SLC6A5: variants seen among roughly 807,000 people sequenced by gnomAD.
The protein encoded by SLC6A5 is solute carrier family 6 member 5, also known as sodium- and chloride-dependent glycine transporter 2.
In SLC6A5, 58 loss-of-function variants were observed where a neutral mutation model predicts 90.5. The ratio of observed to expected loss-of-function variants is 0.64; its 90% CI spans 0.52 to 0.80. SLC6A5 has a LOEUF of 0.80. Among genes scored for constraint, SLC6A5 ranks in the 30% least tolerant of loss-of-function variants. The pLI is 0.00. For missense variants in SLC6A5, 1,015 were observed against 1,017.6 expected (o/e 1.00, Z 0.03); for synonymous variants, 427 against 401.4 (o/e 1.06, Z -0.76).
chr11:20,610,019 A>G (rs2133778900), intron 5 of SLC6A5, among the ~76,000 whole-genome samples: 1 of 152,352 alleles, frequency 6.6e-6, no homozygotes, highest in African/African-American at 2.4e-5. Flanking sequence ...CACGTAAAAT[A>G]GGAACAACAT....
chr11:20,654,834 C>T lies in SLC6A5; in HGVS notation c.2360C>T (p.Pro787Leu). 1 of 1,614,154 alleles carries T rather than the reference C, an allele frequency of 6.2e-7. No homozygotes were observed. Among genetic ancestry groups the T allele is most frequent in the Admixed American group, 1.7e-5 (1 of 60,030 alleles). Residue 787 changes from proline to leucine, a missense_variant, in exon 16 of 16, where the codon CCA (proline) becomes CTA (leucine). Physicochemically the swap from Pro to Leu is moderately conservative, Grantham distance 98. Around this residue, in one of 3 missense-constraint regions of SLC6A5, gnomAD observed 442 missense variants for 494.3 expected, o/e 0.89. Coordinates refer to ENST00000525748, the MANE Select transcript of SLC6A5 (RefSeq NM_004211.5). The stretch of plus-strand genomic sequence containing the variant: ...ACCTCTTCCTTGGGACTCAAACTGC[C>T]AGTGAAGGATTTGGAACTGGGCACT... The part of the protein sequence containing the change: ...LGTSSLGLKL[P>L]VKDLELGTQC
chr11:20,617,061 C>T (rs1220689539), intron 6 of SLC6A5, among the ~76,000 whole-genome samples: 1 of 152,174 alleles, frequency 6.6e-6, no homozygotes, highest in Non-Finnish European at 1.5e-5. Context: ...GGTGGGGCTG[C>T]CCTGCTAGCC....
At chr11:20,647,894 G>T (rs3740873) in intron 14 of SLC6A5, among the ~76,000 whole-genome samples, 65,619 of 152,030 alleles carry the variant, frequency 0.43, 16,344 homozygotes, top group East Asian at 0.84. Flanking sequence ...GAACTACCTT[G>T]TCATCTTCAA....
intron 10 of SLC6A5, among the ~76,000 whole-genome samples, chr11:20,634,020 C>T (rs927357550): frequency 6.6e-5 from 10 of 151,996 alleles, no homozygotes; most frequent in East Asian, 1.9e-4. Context: ...TACAGGCGCC[C>T]CCCACTACGC....
chr11:20,617,937 G>A, intron 7 of SLC6A5, 53 bp downstream of exon 7: 1 of 1,572,430 alleles, frequency 6.4e-7, no homozygotes, highest in South Asian at 1.1e-5. Flanking sequence ...AGGGGCGGTT[G>A]CTTTGGGGAG....
chr11:20,600,335 G>GGAAGAAGAAGAAGAAGAAGAAGAAGAA (rs55891826), intron 1 of SLC6A5, among the ~76,000 whole-genome samples: 3 of 87,878 alleles, frequency 3.4e-5, no homozygotes, highest in African/African-American at 4.8e-5. Context: ...AAGAAGAAGA[G>GGAAGAAGAAGAAGAAGAAGAAGAAGAA]GAAGAAGAAG....
chr11:20,643,225 CTCTTT>C (rs1366712877), intron 13 of SLC6A5, among the ~76,000 whole-genome samples: 3 of 135,768 alleles, frequency 2.2e-5, no homozygotes, highest in Non-Finnish European at 3.4e-5. Context: ...GAATCTCTCT[CTCTTT>C]TTTTTTTTTT....
chr11:20,616,220 C>T (rs1852780886), intron 6 of SLC6A5, among the ~76,000 whole-genome samples: 1 of 152,102 alleles, frequency 6.6e-6, no homozygotes. Context: ...GGAGAGTTAC[C>T]TAATTGATTA....
At chr11:20,601,760 G>A (rs1852485314) in intron 2 of SLC6A5, 95 bp downstream of exon 2, 10 of 1,357,694 alleles carry the variant, frequency 7.4e-6, no homozygotes, top group Admixed American at 1.9e-5. Context: ...ATGCTGATGG[G>A]GAAACCGGTT....
intron 14 of SLC6A5, among the ~76,000 whole-genome samples, chr11:20,649,023 C>T (rs1030723148): frequency 6.6e-6 from 1 of 152,102 alleles, no homozygotes; most frequent in African/African-American, 2.4e-5. Context: ...AAGCTTCAAG[C>T]CAATACCTAT....
At chr11:20,606,138 A>G (rs950485158) in intron 3 of SLC6A5, among the ~76,000 whole-genome samples, 4 of 152,240 alleles carry the variant, frequency 2.6e-5, no homozygotes, top group Admixed American at 2.0e-4. Flanking sequence ...CCATTCCCCA[A>G]GTCCCTCCCA....
Position 20,601,044 on chromosome 11 carries a change from G to GT in SLC6A5, c.4-83dup, listed in dbSNP as rs1852460879. ...CCCCAGATATTGTGTCTGGACCTGA[G>GT]TTGCGAACGTCTCCATATCTAGATA... On this transcript the variant is annotated intron_variant, in intron 1 of 15. Transcript: ENST00000525748. 2.2e-6 allele frequency: 3 copies of GT among 1,389,224 alleles called. No homozygotes were observed. In the African/African-American group the frequency reaches 4.4e-5, roughly 20 times the overall value. 86.1% of individuals were successfully genotyped at this position (1,389,224 alleles called of 1,614,324 possible).
At chr11:20,601,793 G>A (rs1021160683) in intron 2 of SLC6A5, 128 bp downstream of exon 2, 8 of 1,027,366 alleles carry the variant, frequency 7.8e-6, no homozygotes, top group Admixed American at 4.1e-5. Flanking sequence ...TGATGGATGC[G>A]GGAGGCGGCT....
intron 2 of SLC6A5, among the ~76,000 whole-genome samples, chr11:20,604,081 A>G (rs1433630814): frequency 6.6e-6 from 1 of 150,878 alleles, no homozygotes; most frequent in East Asian, 2.0e-4. Context: ...TTGCTGATTG[A>G]CTCTCAGTGC....
In SLC6A5 at chr11:20,637,280, A is replaced by G. The variant is rs142895058; in HGVS notation, c.1846A>G (p.Met616Val). The change falls in exon 12 of 16, where the codon ATG becomes GTG. Residue 616 changes from methionine (M) to valine (V), a missense_variant. Met to Val is a conservative substitution (Grantham distance 21). Coordinates refer to ENST00000525748, the MANE Select transcript of SLC6A5 (RefSeq NM_004211.5). The part of the protein sequence containing the change: ...TLGCCICFFI[M>V]GFPMITQGGI... ...GGGCTGCTGCATTTGTTTCTTCATC[A>G]TGGGTTTTCCAATGATCACTCAGGT... The G allele has an allele frequency of 2.1e-5, 30 of 1,419,668 alleles. No individual in the cohort carries two copies. Among genetic ancestry groups the G allele is most frequent in the Non-Finnish European group, 2.4e-5 (25 of 1,057,488 alleles). 87.9% of individuals were successfully genotyped at this position (1,419,668 alleles called of 1,614,324 possible). A position where few individuals can be genotyped will look rare whatever the true frequency, so the allele number is the denominator to read the frequency against.
At position 20,607,892 on chromosome 11, in the gene SLC6A5, C is replaced by T. The variant is rs572789358; in HGVS notation, c.985+240C>T. The stretch of plus-strand genomic sequence containing the variant: ...ATAGCTGAAATCTTTGTTAAAAATG[C>T]AGGTTCACAGGCCCACAAGATAGTC... On this transcript the variant is annotated intron_variant, in intron 5 of 15. Coordinates refer to ENST00000525748, the MANE Select transcript of SLC6A5 (RefSeq NM_004211.5). Among the ~76,000 whole-genome samples the T allele has an allele frequency of 1.1e-3, 166 of 152,246 alleles. 3 individuals carry two copies. In the South Asian group the frequency reaches 0.032, roughly 29 times the overall value.
chr11:20,619,648 A>G lies in SLC6A5; in HGVS notation c.1260+1764A>G, dbSNP rs111266878. Reference sequence around the variant, plus strand: ...TAATTGCTTTTTTTTTGGCCAATAAATGAAAAGCACATTTTCCTAGCTATT... The same window carrying G: ...TAATTGCTTTTTTTTTGGCCAATAAGTGAAAAGCACATTTTCCTAGCTATT... On this transcript the variant is annotated intron_variant, in intron 7 of 15. Transcript: ENST00000525748. 3.8e-3 allele frequency among the ~76,000 whole-genome samples: 573 copies of G among 152,266 alleles called. 2 individuals carry two copies. The highest frequency in any genetic ancestry group is 0.013 in the African/African-American group (532 of 41,540).
intron 14 of SLC6A5, 73 bp downstream of exon 14, chr11:20,647,007 G>A (rs1175698057): frequency 1.0e-6 from 1 of 991,134 alleles, no homozygotes; most frequent in Non-Finnish European, 1.6e-6. Context: ...TTTGAACAGT[G>A]CATGCCTGTT....
chr11:20,601,356 G>A lies in SLC6A5; in HGVS notation c.231G>A (p.Val77=). The change falls in exon 2 of 16, where the codon GTG becomes GTA. Residue 77 remains valine (V), a synonymous_variant. Transcript: ENST00000525748. ...CCTGCGAGGCTGAGCGGCCAGGAGT[G>A]GGGTCTTGCAAACTCAGTAGCCCGC... is the stretch of plus-strand genomic sequence containing the variant. ...ARACEAERPG[V]GSCKLSSPRA... 1 of 1,601,290 alleles carries A rather than the reference G, an allele frequency of 6.2e-7. No individual in the cohort carries two copies. The highest frequency in any genetic ancestry group is 8.5e-7 in the Non-Finnish European group (1 of 1,175,998).
Sources: gnomAD v4.1 joint callset for allele counts (sites outside exome capture counted in the v4.1 genomes callset) on GRCh38, gnomAD v4.1.1 for gene constraint, gnomAD v4.1.1 regional missense constraint, MANE v1.5 for transcripts, NCBI Gene and HGNC (gene_info 2026-07-23, HGNC 2026-07-21) for gene names.